The following NPAS3 variants were observed in gnomAD, a reference collection of about 807,000 sequenced individuals.
The protein encoded by NPAS3 is neuronal PAS domain protein 3.
In NPAS3, 14 loss-of-function variants were observed where a neutral mutation model predicts 73.1. The ratio of observed to expected loss-of-function variants is 0.19; its 90% CI spans 0.13 to 0.30. The LOEUF (loss-of-function observed/expected upper bound fraction) is 0.30, where lower values mean the gene tolerates loss of function less well. Among genes scored for constraint, NPAS3 ranks in the 10% least tolerant of loss-of-function variants. The pLI is 1.00. For synonymous variants in NPAS3, 620 were observed against 541.5 expected (o/e 1.14, Z -2.01); for missense variants, 1,096 against 1,250.0 (o/e 0.88, Z 1.86).
At chr14:33,008,536 A>C (rs1490258168) in intron 1 of NPAS3, among the ~76,000 whole-genome samples, 1 of 152,210 alleles carries the variant, frequency 6.6e-6, no homozygotes, top group Non-Finnish European at 1.5e-5. Context: ...ACGAAATTTA[A>C]AAAGACCCTA....
chr14:33,118,014 G>A (rs113554734), intron 2 of NPAS3, among the ~76,000 whole-genome samples: 148 of 152,076 alleles, frequency 9.7e-4, no homozygotes, highest in Non-Finnish European at 1.8e-3. Context: ...ATTTCATCAA[G>A]GTCAATGTTC....
chr14:33,744,182 T>G (rs1408530259), intron 7 of NPAS3, among the ~76,000 whole-genome samples: 1 of 152,214 alleles, frequency 6.6e-6, no homozygotes, highest in Non-Finnish European at 1.5e-5. Flanking sequence ...CCTTATTCAC[T>G]AAGCTTCATC....
intron 7 of NPAS3, among the ~76,000 whole-genome samples, chr14:33,745,065 A>AC (rs1164659855): frequency 1.3e-5 from 2 of 151,616 alleles, no homozygotes; most frequent in East Asian, 2.0e-4. Context: ...AAACAGCAAG[A>AC]CCCCCTCTCT....
In NPAS3 at chr14:33,612,217, AAG is replaced by A. The variant is rs796248189; in HGVS notation, c.558+52010_558+52011del. Among the ~76,000 whole-genome samples the A allele has an allele frequency of 9.2e-5, 14 of 152,312 alleles. 1 individual carries two copies. Among genetic ancestry groups the A allele is most frequent in the African/African-American group, 2.9e-4 (12 of 41,574 alleles). On this transcript the variant is annotated intron_variant, in intron 5 of 11. Transcript: ENST00000356141. Reference sequence around the variant, plus strand: ...GAAGGCCCCTGCCGGGGAGAATGAAAAGAGGGAAAAAACAGCTCTTGTTGAAT... The same window carrying A: ...GAAGGCCCCTGCCGGGGAGAATGAAAAGGGAAAAAACAGCTCTTGTTGAAT...
At chr14:33,187,566 G>A (rs2046024256) in intron 2 of NPAS3, among the ~76,000 whole-genome samples, 2 of 152,120 alleles carry the variant, frequency 1.3e-5, no homozygotes, top group Non-Finnish European at 1.5e-5. Flanking sequence ...GTCTGGTGAT[G>A]CCTGCCTGTA....
chr14:33,208,006 C>A (rs2046894712), intron 2 of NPAS3, among the ~76,000 whole-genome samples: 1 of 151,870 alleles, frequency 6.6e-6, no homozygotes, highest in Non-Finnish European at 1.5e-5. Flanking sequence ...AAGTGATTAG[C>A]TGATTTGGTA....
chr14:33,241,984 T>TA (rs1454365063), intron 3 of NPAS3, among the ~76,000 whole-genome samples: 1 of 152,028 alleles, frequency 6.6e-6, no homozygotes, highest in Non-Finnish European at 1.5e-5. Flanking sequence ...GTGATAAACT[T>TA]ACTTCTTCAT....
intron 6 of NPAS3, among the ~76,000 whole-genome samples, chr14:33,725,462 G>T (rs1428963442): frequency 1.3e-5 from 2 of 151,724 alleles, no homozygotes; most frequent in African/African-American, 4.8e-5. Context: ...AACATTATGG[G>T]GATTTTTTTA....
intron 4 of NPAS3, among the ~76,000 whole-genome samples, chr14:33,470,086 G>A (rs1024325765): frequency 6.6e-5 from 10 of 152,176 alleles, no homozygotes; most frequent in African/African-American, 1.7e-4. Flanking sequence ...GTCTCTCCAC[G>A]TGACTATTTG....
intron 6 of NPAS3, among the ~76,000 whole-genome samples, chr14:33,689,055 G>A (rs2060165185): frequency 6.6e-6 from 1 of 152,194 alleles, no homozygotes; most frequent in Admixed American, 6.5e-5. Context: ...CGACATTTGA[G>A]GACATACTCC....
intron 2 of NPAS3, among the ~76,000 whole-genome samples, chr14:33,205,156 T>C (rs1471072886): frequency 6.6e-6 from 1 of 152,176 alleles, no homozygotes; most frequent in African/African-American, 2.4e-5. Context: ...CAGATTTGGA[T>C]ATATATTATC....
chr14:33,363,643 C>A (rs868019835), intron 3 of NPAS3, among the ~76,000 whole-genome samples: 1 of 151,966 alleles, frequency 6.6e-6, no homozygotes, highest in Non-Finnish European at 1.5e-5. Context: ...TATACTGGAC[C>A]TACTTTTGTT....
At chr14:33,316,347 C>A (rs563262940) in intron 3 of NPAS3, among the ~76,000 whole-genome samples, 1 of 152,010 alleles carries the variant, frequency 6.6e-6, no homozygotes, top group African/African-American at 2.4e-5. Context: ...AATACGTGAG[C>A]AGCAATACAT....
chr14:33,102,680 C>T (rs1336222890), intron 2 of NPAS3, among the ~76,000 whole-genome samples: 1 of 152,070 alleles, frequency 6.6e-6, no homozygotes, highest in African/African-American at 2.4e-5. Flanking sequence ...GCTGCTATTG[C>T]CAGCATAGCT....
chr14:33,151,766 G>A (rs1161081479), intron 2 of NPAS3, among the ~76,000 whole-genome samples: 1 of 152,100 alleles, frequency 6.6e-6, no homozygotes, highest in Non-Finnish European at 1.5e-5. Context: ...CCTTTGAAAT[G>A]TAAGATTATT....
chr14:33,226,685 T>C (rs561745718), intron 3 of NPAS3, among the ~76,000 whole-genome samples: 1 of 152,320 alleles, frequency 6.6e-6, no homozygotes, highest in East Asian at 1.9e-4. Flanking sequence ...TCACCAGGTA[T>C]TGGCTGAGTG....
At chr14:33,684,930 A>C (rs1255336113) in intron 6 of NPAS3, among the ~76,000 whole-genome samples, 2 of 152,160 alleles carry the variant, frequency 1.3e-5, no homozygotes, top group Non-Finnish European at 2.9e-5. Flanking sequence ...CTGCTCATGA[A>C]ACACAATCAT....
chr14:33,169,891 C>T (rs552166908), intron 2 of NPAS3, among the ~76,000 whole-genome samples: 60 of 152,284 alleles, frequency 3.9e-4, no homozygotes, highest in Non-Finnish European at 6.8e-4. Context: ...ACCTGATTCT[C>T]GAAAGGTCAC....
intron 5 of NPAS3, among the ~76,000 whole-genome samples, chr14:33,661,211 G>T (rs989919140): frequency 6.6e-6 from 1 of 151,570 alleles, no homozygotes; most frequent in African/African-American, 2.4e-5. Flanking sequence ...TGACATTTTT[G>T]AAACCCTGCT....
Sources: allele counts gnomAD v4.1 joint callset (sites outside exome capture counted in the v4.1 genomes callset), GRCh38; gene constraint gnomAD v4.1.1; transcripts MANE v1.5; gene names NCBI Gene and HGNC (gene_info 2026-07-23, HGNC 2026-07-21).